The following LAMC1 variants were observed in gnomAD, a reference collection of about 807,000 sequenced individuals.
The protein encoded by LAMC1 is laminin subunit gamma 1.
Under a neutral mutation model 173.6 loss-of-function variants are expected in LAMC1, and 38 were observed. That is an observed-to-expected ratio of 0.22 (90% CI 0.17 to 0.29). The LOEUF is 0.29. Among genes scored for constraint, LAMC1 ranks in the 10% least tolerant of loss-of-function variants. The pLI is 1.00. For synonymous variants in LAMC1, 746 were observed against 749.1 expected (o/e 1.00, Z 0.07); for missense variants, 1,824 against 2,051.8 (o/e 0.89, Z 2.14).
At chr1:183,074,819 A>G (rs1245186699) in intron 1 of LAMC1, among the ~76,000 whole-genome samples, 1 of 152,188 alleles carries the variant, frequency 6.6e-6, no homozygotes, top group Non-Finnish European at 1.5e-5. Context: ...GTGCTGCAAA[A>G]AAGAAAAATG....
At chr1:183,139,428 A>G (rs1657042961) in intron 26 of LAMC1, among the ~76,000 whole-genome samples, 1 of 152,208 alleles carries the variant, frequency 6.6e-6, no homozygotes. Context: ...ATGCAGGTGC[A>G]TCGCTCTTGG....
chr1:183,057,604 T>C (rs1249928518), intron 1 of LAMC1, among the ~76,000 whole-genome samples: 1 of 152,044 alleles, frequency 6.6e-6, no homozygotes, highest in African/African-American at 2.4e-5. Flanking sequence ...CCACTAAAAA[T>C]ACAAAAATTA....
In LAMC1 at chr1:183,081,064, T is replaced by A. The variant is rs73051780; in HGVS notation, c.419-22264T>A. Among the ~76,000 whole-genome samples, 1,385 of 152,044 alleles carry A rather than the reference T, an allele frequency of 9.1e-3. 16 individuals are homozygous for A. Among genetic ancestry groups the A allele is most frequent in the African/African-American group, 0.032 (1,321 of 41,492 alleles). On this transcript the variant is annotated intron_variant, in intron 1 of 27. Transcript: ENST00000258341. ...CCACCACGCCCGGCTAATTTTTATA[T>A]TCTTAGTAGAGATGGGATTTCACTA...
At chr1:183,118,248 G>A (rs1004705516) in intron 11 of LAMC1, 102 bp downstream of exon 11, 1 of 665,536 alleles carries the variant, frequency 1.5e-6, no homozygotes, top group Middle Eastern at 3.5e-4. Context: ...ATAACACTGA[G>A]AAGTGTATAA....
Position 183,114,573 on chromosome 1 carries a change from C to T in LAMC1, c.1064C>T (p.Pro355Leu). Residue 355 changes from proline to leucine, a missense_variant, in exon 5 of 28, where the codon CCT becomes CTT. Transcript: ENST00000258341. ...CGATCCCAGGAATGCTACTTCGACC[C>T]TGAACTCTATCGTTCCACTGGCCAT... ...NGRSQECYFD[P>L]ELYRSTGHGG... 6.2e-7 allele frequency: 1 copy of T among 1,614,204 alleles called. No individual in the cohort carries two copies. The highest frequency in any genetic ancestry group is 8.5e-7 in the Non-Finnish European group (1 of 1,180,038).
chr1:183,130,206 A>G, intron 18 of LAMC1, 138 bp from the exon 19 acceptor site: 1 of 694,902 alleles, frequency 1.4e-6, no homozygotes, highest in Non-Finnish European at 2.4e-6. Flanking sequence ...CTGTCCAGCT[A>G]TGGCAGGGGC....
chr1:183,030,680 C>A (rs1164467842), intron 1 of LAMC1, among the ~76,000 whole-genome samples: 4 of 152,030 alleles, frequency 2.6e-5, no homozygotes, highest in African/African-American at 7.3e-5. Flanking sequence ...ATTGGAAAGG[C>A]CTATGACTGT....
intron 1 of LAMC1, among the ~76,000 whole-genome samples, chr1:183,087,152 C>T (rs145091359): frequency 8.3e-4 from 127 of 152,216 alleles, no homozygotes; most frequent in South Asian, 3.1e-3. Flanking sequence ...CTTATTTTAT[C>T]TATGTATCTT....
rs56152259 is a variant in LAMC1 at position 183,140,245 on chromosome 1, C to CAAAAAAAAAAAAAA, written c.4474-152_4474-139dup. ...ATATGAAGATATGCAGCAGCCCCACCAAAAAAAAAAAAAAAAAAAAGCAAT... is the reference window on the plus strand; with the variant it reads ...ATATGAAGATATGCAGCAGCCCCACCAAAAAAAAAAAAAAAAAAAAAAAAAAAAAAAAAAGCAAT... On this transcript the variant is annotated intron_variant, in intron 26 of 27. Coordinates refer to ENST00000258341, the MANE Select transcript of LAMC1 (RefSeq NM_002293.4). 8.3e-3 allele frequency among the ~76,000 whole-genome samples: 437 copies of CAAAAAAAAAAAAAA among 52,784 alleles called. 45 individuals are homozygous for CAAAAAAAAAAAAAA. Among genetic ancestry groups the CAAAAAAAAAAAAAA allele is most frequent in the Middle Eastern group, 0.036 (2 of 56 alleles). The allele number at this position is 52,784 out of a possible 152,430, so 34.6% of individuals were successfully genotyped here. A position where few individuals can be genotyped will look rare whatever the true frequency, so the allele number is the denominator to read the frequency against.
intron 2 of LAMC1, among the ~76,000 whole-genome samples, chr1:183,105,690 G>C (rs201528799): frequency 2.0e-5 from 3 of 152,102 alleles, no homozygotes; most frequent in Non-Finnish European, 4.4e-5. Flanking sequence ...GTTTCATTAT[G>C]CAGTAACATG....
At chr1:183,086,340 A>G (rs1472472804) in intron 1 of LAMC1, among the ~76,000 whole-genome samples, 1 of 152,232 alleles carries the variant, frequency 6.6e-6, no homozygotes, top group African/African-American at 2.4e-5. Context: ...GTGGGAGTTC[A>G]GTTTAGTTCC....
intron 11 of LAMC1, among the ~76,000 whole-genome samples, chr1:183,119,116 C>T (rs2102087366): frequency 6.6e-6 from 1 of 152,202 alleles, no homozygotes; most frequent in East Asian, 1.9e-4. Context: ...AGGCTGATCT[C>T]AAACTCCTGA....
intron 1 of LAMC1, among the ~76,000 whole-genome samples, chr1:183,040,613 C>T (rs538284197): frequency 6.6e-6 from 1 of 152,308 alleles, no homozygotes; most frequent in East Asian, 1.9e-4. Context: ...GAGAGAGGCT[C>T]TGCCTGTGGC....
At chr1:183,087,434 A>C (rs1655460050) in intron 1 of LAMC1, among the ~76,000 whole-genome samples, 1 of 152,240 alleles carries the variant, frequency 6.6e-6, no homozygotes, top group African/African-American at 2.4e-5. Context: ...TGACATGTGA[A>C]TAAAACATGC....
chr1:183,072,769 A>C (rs541030645), intron 1 of LAMC1, among the ~76,000 whole-genome samples: 17 of 152,300 alleles, frequency 1.1e-4, no homozygotes, highest in African/African-American at 3.8e-4. Flanking sequence ...GCCTTCTGTC[A>C]GGTCAGCTGC....
chr1:183,142,824 C>G lies in LAMC1; in HGVS notation c.*34C>G. The stretch of plus-strand genomic sequence containing the variant: ...GGGCTGGAAGGCAGCATCCCTCTGA[C>G]AGGGGGGCAGTTGTGAGGCCACAGA... On this transcript the variant is annotated 3_prime_UTR_variant, in exon 28 of 28. Coordinates refer to ENST00000258341, the MANE Select transcript of LAMC1 (RefSeq NM_002293.4). 2 of 1,573,318 alleles carry G rather than the reference C, an allele frequency of 1.3e-6. No individual in the cohort carries two copies. Among genetic ancestry groups the G allele is most frequent in the Non-Finnish European group, 1.7e-6 (2 of 1,161,278 alleles).
At chr1:183,042,999 A>G (rs1279652274) in intron 1 of LAMC1, among the ~76,000 whole-genome samples, 3 of 152,216 alleles carry the variant, frequency 2.0e-5, no homozygotes, top group African/African-American at 7.2e-5. Flanking sequence ...GATGTCTTTT[A>G]GGAATGAGAG....
In LAMC1 at chr1:183,110,465, TGGAG is replaced by T. The variant is rs1241067473; in HGVS notation, c.855-22_855-19del. On this transcript the variant is annotated intron_variant, in intron 3 of 27. Transcript: ENST00000258341. The stretch of plus-strand genomic sequence containing the variant: ...GGGACTTTGCAGCTGTTCCATTTTT[TGGAG>T]TATCTCTTCTCTCCCCAGATGTAAA... 4 of 1,578,872 alleles carry T rather than the reference TGGAG, an allele frequency of 2.5e-6. No homozygotes were observed. The highest frequency in any genetic ancestry group is 2.3e-5 in the South Asian group (2 of 86,238).
chr1:183,072,550 G>A lies in LAMC1; in HGVS notation c.419-30778G>A, dbSNP rs193126902. Among the ~76,000 whole-genome samples the A allele has an allele frequency of 3.3e-5, 5 of 152,326 alleles. 1 individual carries two copies. The highest frequency in any genetic ancestry group is 7.3e-5 in the Non-Finnish European group (5 of 68,028). On this transcript the variant is annotated intron_variant, in intron 1 of 27. Transcript: ENST00000258341. ...TTCCAAGTTGCTGTTACTGGGAGCT[G>A]TGAGAGACTATTGAGGTGTGATTAA...
Sources: gnomAD v4.1 joint callset for allele counts (sites outside exome capture counted in the v4.1 genomes callset) on GRCh38, gnomAD v4.1.1 for gene constraint, MANE v1.5 for transcripts, NCBI Gene and HGNC (gene_info 2026-07-23, HGNC 2026-07-21) for gene names.